Variants in CAMTA1 observed in about 807,000 individuals in gnomAD.
CAMTA1 encodes calmodulin binding transcription activator 1, also known as calmodulin-binding transcription activator 1.
CAMTA1 carries 27 observed loss-of-function variants against 170.9 expected under a neutral mutation model. The ratio of observed to expected loss-of-function variants is 0.16; its 90% confidence interval spans 0.12 to 0.22. CAMTA1 has a LOEUF of 0.22. CAMTA1 is among the 10% of genes least tolerant of loss of function. The pLI is 1.00. For missense variants in CAMTA1, 1,619 were observed against 2,217.2 expected, an observed-to-expected ratio of 0.73 and a Z score of 5.42; for synonymous variants, 833 against 891.5, an observed-to-expected ratio of 0.93 and a Z score of 1.17.
chr1:7,172,987 G>A (rs761154342), intron 4 of CAMTA1, among the ~76,000 whole-genome samples: 17 of 152,178 alleles, frequency 1.1e-4, no homozygotes, highest in Non-Finnish European at 2.4e-4. Flanking sequence ...CTGGTGCCTC[G>A]GGGAGGATGG....
At chr1:7,524,790 C>T (rs775234424) in intron 6 of CAMTA1, among the ~76,000 whole-genome samples, 6 of 152,076 alleles carry the variant, frequency 3.9e-5, no homozygotes, top group Non-Finnish European at 7.4e-5. Context: ...TCCTGGAGGG[C>T]CCGGTGGGTA....
At chr1:7,758,340 C>T (rs2096946925) in intron 22 of CAMTA1, among the ~76,000 whole-genome samples, 2 of 152,212 alleles carry the variant, frequency 1.3e-5, no homozygotes, top group South Asian at 2.1e-4. Context: ...AAAACTCCTA[C>T]TCATGCATGG....
intron 6 of CAMTA1, among the ~76,000 whole-genome samples, chr1:7,578,610 G>A (rs973106601): frequency 1.3e-5 from 2 of 152,236 alleles, no homozygotes; most frequent in Non-Finnish European, 2.9e-5. Flanking sequence ...AGCTGTCTTA[G>A]TCTGTTTTGT....
At chr1:7,260,020 G>A (rs1667940450) in intron 5 of CAMTA1, among the ~76,000 whole-genome samples, 2 of 152,192 alleles carry the variant, frequency 1.3e-5, no homozygotes, top group Non-Finnish European at 2.9e-5. Context: ...AAAACAAAGG[G>A]CCAGACAGTA....
At chr1:7,701,257 T>G (rs548551494) in intron 11 of CAMTA1, among the ~76,000 whole-genome samples, 2 of 152,140 alleles carry the variant, frequency 1.3e-5, no homozygotes, top group Non-Finnish European at 2.9e-5. Flanking sequence ...GCAGGAGACT[T>G]AGCAGCAGCG....
At chr1:6,897,386 G>A (rs1253365123) in intron 3 of CAMTA1, among the ~76,000 whole-genome samples, 1 of 152,188 alleles carries the variant, frequency 6.6e-6, no homozygotes, top group Non-Finnish European at 1.5e-5. Context: ...GTGGGGCGGG[G>A]AGTAGTGTTG....
intron 1 of CAMTA1, among the ~76,000 whole-genome samples, chr1:6,804,165 C>T (rs934208807): frequency 4.0e-5 from 6 of 148,356 alleles, no homozygotes; most frequent in South Asian, 2.1e-4. Flanking sequence ...GCCTGGGAAA[C>T]GAGCGAAACT....
At chr1:7,639,501 G>C (rs1190904234) in intron 6 of CAMTA1, among the ~76,000 whole-genome samples, 10 of 152,272 alleles carry the variant, frequency 6.6e-5, no homozygotes, top group South Asian at 6.2e-4. Context: ...AGCTGGGTGC[G>C]GTGGCTCACG....
chr1:6,827,304 C>CCTTT (rs1647357824), intron 3 of CAMTA1, among the ~76,000 whole-genome samples: 1 of 152,274 alleles, frequency 6.6e-6, no homozygotes, highest in African/African-American at 2.4e-5. Flanking sequence ...CATGCAGCAC[C>CCTTT]CTTTCCCTTG....
chr1:7,448,242 G>T (rs984006655), intron 5 of CAMTA1, among the ~76,000 whole-genome samples: 1 of 152,154 alleles, frequency 6.6e-6, no homozygotes, highest in Non-Finnish European at 1.5e-5. Context: ...TGGAGTGGGG[G>T]GGCTCTCCCC....
intron 3 of CAMTA1, among the ~76,000 whole-genome samples, chr1:6,964,576 A>G (rs1691183928): frequency 6.6e-6 from 1 of 152,212 alleles, no homozygotes; most frequent in African/African-American, 2.4e-5. Context: ...CTGTAGGTCC[A>G]TATGGACACT....
At chr1:6,791,112 CTTT>C (rs35656164) in intron 1 of CAMTA1, among the ~76,000 whole-genome samples, 9 of 129,088 alleles carry the variant, frequency 7.0e-5, no homozygotes, top group Non-Finnish European at 9.8e-5. Flanking sequence ...GTACCCTGTC[CTTT>C]TTTTTTTTTT....
intron 5 of CAMTA1, among the ~76,000 whole-genome samples, chr1:7,445,977 C>T (rs1478616269): frequency 1.3e-5 from 2 of 152,100 alleles, no homozygotes; most frequent in African/African-American, 4.8e-5. Context: ...TGACCTTGGA[C>T]ACAGCTGTGG....
chr1:7,129,872 A>G (rs144029522), intron 4 of CAMTA1, among the ~76,000 whole-genome samples: 38 of 151,980 alleles, frequency 2.5e-4, no homozygotes, highest in African/African-American at 8.0e-4. Flanking sequence ...CTAGCATTTT[A>G]TAAGTATGAT....
intron 3 of CAMTA1, among the ~76,000 whole-genome samples, chr1:7,058,181 G>A (rs1016480669): frequency 1.3e-5 from 2 of 151,340 alleles, no homozygotes; most frequent in African/African-American, 4.8e-5. Flanking sequence ...GCATCACGAC[G>A]CATCTAGAAT....
At chr1:7,564,057 GA>G (rs1398183204) in intron 6 of CAMTA1, among the ~76,000 whole-genome samples, 4 of 152,184 alleles carry the variant, frequency 2.6e-5, no homozygotes, top group Non-Finnish European at 5.9e-5. Context: ...CAAATGAGGA[GA>G]ATCAAATAGA....
At chr1:7,618,287 AT>A (rs1313964745) in intron 6 of CAMTA1, among the ~76,000 whole-genome samples, 2 of 152,108 alleles carry the variant, frequency 1.3e-5, no homozygotes, top group African/African-American at 4.8e-5. Context: ...CTCAGCCTAT[AT>A]CACCTCCCAA....
intron 11 of CAMTA1, among the ~76,000 whole-genome samples, chr1:7,724,841 C>T (rs982774096): frequency 1.7e-4 from 24 of 143,794 alleles, no homozygotes; most frequent in Middle Eastern, 3.9e-3. Context: ...AAAAAAAGAT[C>T]GCATGTATTA....
chr1:6,963,341 C>G (rs1197878837), intron 3 of CAMTA1, among the ~76,000 whole-genome samples: 1 of 139,690 alleles, frequency 7.2e-6, no homozygotes, highest in Admixed American at 7.3e-5. Context: ...TCCCTTTTGG[C>G]CCCTCCTTGC....
Sources: gnomAD v4.1 joint callset for allele counts (sites outside exome capture counted in the v4.1 genomes callset) on GRCh38, gnomAD v4.1.1 for gene constraint, MANE v1.5 for transcripts, NCBI Gene and HGNC (gene_info 2026-07-23, HGNC 2026-07-21) for gene names.